FREM3: variants seen among roughly 807,000 people sequenced by gnomAD.
FREM3 encodes FRAS1 related extracellular matrix 3.
FREM3 carries 105 observed loss-of-function variants against 129.1 expected under a neutral mutation model. The ratio of observed to expected loss-of-function variants is 0.81; its 90% CI spans 0.69 to 0.96. The LOEUF (loss-of-function observed/expected upper bound fraction) is 0.96, where lower values mean the gene tolerates loss of function less well. Ranked by LOEUF, FREM3 falls within the 40% of genes least tolerant of loss-of-function variation. FREM3 has a pLI of 0.00. For synonymous variants in FREM3, 1,014 were observed against 1,044.9 expected, an observed-to-expected ratio of 0.97 and a Z score of 0.57; for missense variants, 2,593 against 2,666.3, an observed-to-expected ratio of 0.97 and a Z score of 0.61.
At position 143,696,561 on chromosome 4, in the gene FREM3, C is replaced by A; in HGVS notation, c.4115G>T (p.Gly1372Val). 1.3e-6 allele frequency: 2 copies of A among 1,537,442 alleles called. No homozygotes were observed. The highest frequency in any genetic ancestry group is 2.0e-5 in the Admixed American group (1 of 51,004). Reference sequence around the variant, plus strand: ...AATCTCATCCTGGGTAAAGTTCATTCCCAGAGTAAGATTGTTCCTCACTTC... The same window carrying A: ...AATCTCATCCTGGGTAAAGTTCATTACCAGAGTAAGATTGTTCCTCACTTC... ...RGEVRNNLTL[G>V]MNFTQDEINR... Residue 1372 changes from glycine to valine, a missense_variant, in exon 1 of 8, where the codon GGA becomes GTA. By Grantham distance (109) the Gly-to-Val change is moderately radical. Around this residue, in one of 2 missense-constraint regions of FREM3, gnomAD observed 2,276 missense variants for 2,267.2 expected, o/e 1.00. Coordinates refer to ENST00000329798, the MANE Select transcript of FREM3 (RefSeq NM_001168235.2).
intron 5 of FREM3, among the ~76,000 whole-genome samples, chr4:143,615,895 G>T (rs1011421408): frequency 1.3e-5 from 2 of 152,130 alleles, no homozygotes; most frequent in Admixed American, 6.5e-5. Context: ...ACAGGCCTTG[G>T]GCAAGGGCAC....
At position 143,585,017 on chromosome 4, in the gene FREM3, C is replaced by T. The variant is rs867289848; in HGVS notation, c.6178+827G>A. ...TACATGGAAATTAAACAGCCTGCTC[C>T]TGAATGACTTCTGGGTAAACAATGT... On this transcript the variant is annotated intron_variant, in intron 7 of 7. Coordinates refer to ENST00000329798, the MANE Select transcript of FREM3 (RefSeq NM_001168235.2). The surrounding 1 kb of genome is among the most constrained non-coding windows in gnomAD (Gnocchi z 4.2). Among the ~76,000 whole-genome samples the T allele has an allele frequency of 1.3e-5, 2 of 152,298 alleles. No individual in the cohort carries two copies. Among genetic ancestry groups the T allele is most frequent in the Admixed American group, 6.5e-5 (1 of 15,310 alleles).
chr4:143,622,949 A>G (rs536098903), intron 4 of FREM3, among the ~76,000 whole-genome samples: 1 of 152,282 alleles, frequency 6.6e-6, no homozygotes, highest in African/African-American at 2.4e-5. Flanking sequence ...TGATTCATGT[A>G]TCAAAGTGTT....
At chr4:143,595,582 A>C (rs1253925106) in intron 6 of FREM3, among the ~76,000 whole-genome samples, 1 of 152,148 alleles carries the variant, frequency 6.6e-6, no homozygotes, top group East Asian at 1.9e-4. Flanking sequence ...GATTTCATTC[A>C]GCTATGCTAT....
rs1383280573 is a variant in FREM3, at chr4:143,699,281, C to T, written c.1395G>A (p.Leu465=). ...TGACTGCAGCCATTTTCACCTCTTC[C>T]AGGTTATCTTTATCACTGATAGGAA... ...HSIPISDKDN[L]EEVKMAAVRG... The change falls in exon 1 of 8, where the codon CTG becomes CTA. Residue 465 remains leucine, a synonymous_variant. Transcript: ENST00000329798. This position sits in a 1 kb window ranked among gnomAD's most constrained non-coding sequence, Gnocchi z 4.2. 1 of 1,537,320 alleles carries T rather than the reference C, an allele frequency of 6.5e-7. No individual in the cohort carries two copies. Among genetic ancestry groups the T allele is most frequent in the African/African-American group, 1.4e-5 (1 of 73,162 alleles).
intron 2 of FREM3, among the ~76,000 whole-genome samples, chr4:143,690,486 A>G (rs1014002934): frequency 2.6e-4 from 39 of 152,112 alleles, no homozygotes; most frequent in African/African-American, 8.2e-4. Context: ...TCTTCTTTTA[A>G]CAGTTTGAAT....
chr4:143,581,654 A>T (rs1297496835), intron 7 of FREM3, among the ~76,000 whole-genome samples: 2 of 151,864 alleles, frequency 1.3e-5, no homozygotes, highest in African/African-American at 4.8e-5. Flanking sequence ...CTTTACTCAC[A>T]CCTCTACCGT....
Position 143,588,241 on chromosome 4 carries a change from GT to G in FREM3, c.6029-2249del, listed in dbSNP as rs201716181. On this transcript the variant is annotated intron_variant, in intron 6 of 7. Transcript: ENST00000329798. ...TTACCATTCTAACATGCTATCCTGT[GT>G]TTTTTTTATTATTATTATACTTTAA... 9.1e-4 allele frequency among the ~76,000 whole-genome samples: 138 copies of G among 151,744 alleles called. 2 individuals carry two copies. The East Asian group carries it at 0.018, about 20-fold the overall frequency.
chr4:143,601,765 G>C (rs1201959879), intron 6 of FREM3: 1 of 152,122 alleles, frequency 6.6e-6, no homozygotes, highest in South Asian at 2.1e-4. Context: ...GGAGTCTGTC[G>C]TCCCTGGCCT....
intron 2 of FREM3, among the ~76,000 whole-genome samples, chr4:143,648,416 AG>A (rs1054859235): frequency 4.6e-5 from 7 of 152,202 alleles, no homozygotes; most frequent in African/African-American, 1.7e-4. Context: ...GGGAGGGGCC[AG>A]GGATGGAGTG....
At chr4:143,579,076 A>G (rs1738089687) in intron 7 of FREM3, among the ~76,000 whole-genome samples, 1 of 151,502 alleles carries the variant, frequency 6.6e-6, no homozygotes, top group African/African-American at 2.4e-5. Context: ...AAAAAAAAAA[A>G]GCGTCTCACT....
chr4:143,582,925 C>T lies in FREM3; in HGVS notation c.6178+2919G>A, dbSNP rs1439645916. Among the ~76,000 whole-genome samples the T allele has an allele frequency of 6.2e-5, 9 of 145,098 alleles. No homozygotes were observed. The Admixed American group carries it at 6.3e-4, about 10-fold the overall frequency. ...TTTTTTTTTTTGAGATGGGTTTGAA[C>T]TCTGTCACCCAGGCTGGAATGTATG... On this transcript the variant is annotated intron_variant, in intron 7 of 7. Transcript: ENST00000329798.
chr4:143,698,220 G>T lies in FREM3; in HGVS notation c.2456C>A (p.Thr819Lys). Residue 819 changes from threonine to lysine, a missense_variant, in exon 1 of 8, where the codon ACA becomes AAA. Coordinates refer to ENST00000329798, the MANE Select transcript of FREM3 (RefSeq NM_001168235.2). ...GTTGTCCACAGGTTGCAGGAATAATGTGAATGTGCCTGGCACGCTATTGCC... is the reference window on the plus strand; with the variant it reads ...GTTGTCCACAGGTTGCAGGAATAATTTGAATGTGCCTGGCACGCTATTGCC... ...AAGNSVPGTF[T>K]LFLQPVDNQP... 6.5e-7 allele frequency: 1 copy of T among 1,537,424 alleles called. No individual in the cohort carries two copies. The highest frequency in any genetic ancestry group is 1.7e-4 in the Middle Eastern group (1 of 5,992).
At chr4:143,633,802 C>T (rs1739183423) in intron 2 of FREM3, among the ~76,000 whole-genome samples, 2 of 152,254 alleles carry the variant, frequency 1.3e-5, no homozygotes, top group Admixed American at 6.5e-5. Flanking sequence ...TCAAACCGTA[C>T]ATCAGGCACA....
At position 143,700,485 on chromosome 4, in the gene FREM3, A is replaced by C; in HGVS notation, c.191T>G (p.Ile64Ser). 1 of 1,511,204 alleles carries C rather than the reference A, an allele frequency of 6.6e-7. No homozygotes were observed. 93.6% of individuals were successfully genotyped at this position (1,511,204 alleles called of 1,614,324 possible). The change falls in exon 1 of 8, where the codon ATT becomes AGT. Residue 64 changes from isoleucine to serine, a missense_variant. Transcript: ENST00000329798. Reference sequence around the variant, plus strand: ...GGGCACCCGGAGTCCAGGGTTGGCAATCAGCACGCTGGGGCCGTCGGGGCG... The same window carrying C: ...GGGCACCCGGAGTCCAGGGTTGGCACTCAGCACGCTGGGGCCGTCGGGGCG... ...GTRPDGPSVLIANPGLRVPLG... is the reference protein window; with the variant it reads ...GTRPDGPSVLSANPGLRVPLG...
chr4:143,664,047 G>C (rs906963716), intron 2 of FREM3, among the ~76,000 whole-genome samples: 9 of 152,008 alleles, frequency 5.9e-5, no homozygotes, highest in Admixed American at 5.9e-4. Context: ...CCTGTAGTTC[G>C]GAGTAGTTTG....
intron 7 of FREM3, among the ~76,000 whole-genome samples, chr4:143,578,832 G>A (rs1315873347): frequency 6.6e-6 from 1 of 152,150 alleles, no homozygotes; most frequent in African/African-American, 2.4e-5. Flanking sequence ...GAAAACAAAA[G>A]CAGACATGAC....
intron 2 of FREM3, among the ~76,000 whole-genome samples, chr4:143,629,189 A>T (rs1739097485): frequency 6.6e-6 from 1 of 152,172 alleles, no homozygotes; most frequent in East Asian, 1.9e-4. Context: ...GATACTTTCT[A>T]TACCAGACTG....
At chr4:143,661,488 T>G (rs1739722533) in intron 2 of FREM3, among the ~76,000 whole-genome samples, 1 of 151,946 alleles carries the variant, frequency 6.6e-6, no homozygotes. Context: ...GGATTCTGTT[T>G]GCCAGTATTT....
Sources: gnomAD v4.1 joint callset for allele counts (sites outside exome capture counted in the v4.1 genomes callset) on GRCh38, gnomAD v4.1.1 for gene constraint, gnomAD v4.1.1 regional missense constraint, Gnocchi (gnomAD v3.1) non-coding constraint, MANE v1.5 for transcripts, NCBI Gene and HGNC (gene_info 2026-07-23, HGNC 2026-07-21) for gene names.